Variants in MEA1 observed in about 807,000 individuals in gnomAD.
MEA1 encodes the protein male-enhanced antigen 1.
Under a neutral mutation model 21.4 loss-of-function variants are expected in MEA1, and 22 were observed. The ratio of observed to expected loss-of-function variants is 1.03; its 90% CI spans 0.73 to 1.47. The LOEUF (loss-of-function observed/expected upper bound fraction) is 1.47, where lower values mean the gene tolerates loss of function less well. Ranked by LOEUF, MEA1 falls within the 40% of genes most tolerant of loss-of-function variation. The pLI, the probability that MEA1 is intolerant of heterozygous loss-of-function variation, is 0.00. For synonymous variants in MEA1, 91 were observed against 85.5 expected, an observed-to-expected ratio of 1.06 and a Z score of -0.35; for missense variants, 233 against 230.5, an observed-to-expected ratio of 1.01 and a Z score of -0.07.
At chr6:43,014,820 C>T (rs1245319661), upstream of MEA1, among the ~76,000 whole-genome samples, 1 of 152,036 alleles carries the variant, frequency 6.6e-6, no homozygotes, top group Non-Finnish European at 1.5e-5. Flanking sequence ...CTGCAAAGCT[C>T]TCACGAGATC....
chr6:43,013,703 G>T, intron 1 of MEA1, 83 bp downstream of exon 1: 1 of 1,394,640 alleles, frequency 7.2e-7, no homozygotes, highest in South Asian at 1.2e-5. Flanking sequence ...CCCGCGACTT[G>T]GGAACTCTGG....
chr6:43,012,525 T>C lies in MEA1; in HGVS notation c.503A>G (p.Glu168Gly), dbSNP rs780378952. Residue 168 changes from glutamate (E) to glycine (G), a missense_variant, in exon 4 of 4, where the codon GAA (glutamate) becomes GGA (glycine). By Grantham distance (98) the Glu-to-Gly change is moderately conservative (BLOSUM62 -2). Coordinates refer to ENST00000244711, the MANE Select transcript of MEA1 (RefSeq NM_014623.4). ...WAREISDAQWEDVVQKALQAR... is the reference protein window; with the variant it reads ...WAREISDAQWGDVVQKALQAR... ...TTGGAGGGCTTTCTGTACCACATCT[T>C]CCCACTGGGCATCCGATATCTCCCG... 10 of 1,611,818 alleles carry C rather than the reference T, an allele frequency of 6.2e-6. No homozygotes were observed. The South Asian group carries it at 9.9e-5, about 16-fold the overall frequency.
At chr6:43,013,998 C>A, upstream of MEA1, 1 of 1,421,808 alleles carries the variant, frequency 7.0e-7, no homozygotes, top group Non-Finnish European at 9.2e-7. Context: ...CTGGCGAGGA[C>A]GAGGAGTCCG....
Position 43,013,245 on chromosome 6 carries a change from T to C in MEA1, c.173A>G (p.Gln58Arg), listed in dbSNP as rs1762438168. The change falls in exon 2 of 4, where the codon CAG (glutamine) becomes CGG (arginine). Residue 58 changes from glutamine to arginine, a missense_variant. Coordinates refer to ENST00000244711, the MANE Select transcript of MEA1 (RefSeq NM_014623.4). ...DWSSEEPEEE[Q>R]EETGSGPAGY... Reference sequence around the variant, plus strand: ...AGCTGGGCCCGACCCCGTTTCCTCCTGCTCTTCCTCAGGCTCCTCACTGCT... The same window carrying C: ...AGCTGGGCCCGACCCCGTTTCCTCCCGCTCTTCCTCAGGCTCCTCACTGCT... 5.6e-6 allele frequency: 9 copies of C among 1,614,178 alleles called. No homozygotes were observed. Among genetic ancestry groups the C allele is most frequent in the Non-Finnish European group, 7.6e-6 (9 of 1,180,024 alleles).
At position 43,011,799 on chromosome 6, in the gene MEA1, G is replaced by T. The variant is rs1762364057; in HGVS notation, c.*671C>A. On this transcript the variant is annotated 3_prime_UTR_variant, in exon 4 of 4. Transcript: ENST00000244711. ...AGCACAAATAGGCCCCCCAGTCCCAGCCGTGTGCTGGCAGATAGGGTTGTA... is the reference window on the plus strand; with the variant it reads ...AGCACAAATAGGCCCCCCAGTCCCATCCGTGTGCTGGCAGATAGGGTTGTA... 1 of 165,180 alleles carries T rather than the reference G, an allele frequency of 6.1e-6. No individual in the cohort carries two copies. Among genetic ancestry groups the T allele is most frequent in the African/African-American group, 2.4e-5 (1 of 41,590 alleles). The allele number at this position is 165,180 out of a possible 1,614,324, so 10.2% of individuals were successfully genotyped here.
At chr6:43,013,664 A>G in intron 1 of MEA1, 122 bp downstream of exon 1, 1 of 1,107,938 alleles carries the variant, frequency 9.0e-7, no homozygotes, top group Non-Finnish European at 1.3e-6. Context: ...CACCCCTTCC[A>G]GAACCCCGGC....
chr6:43,014,202 T>C, upstream of MEA1: 3 of 1,337,448 alleles, frequency 2.2e-6, no homozygotes, highest in Non-Finnish European at 3.0e-6. Flanking sequence ...TAGCTACGAC[T>C]GCACGTGCGC....
upstream of MEA1, among the ~76,000 whole-genome samples, chr6:43,016,056 C>T (rs1481493814): frequency 1.3e-5 from 2 of 151,840 alleles, no homozygotes; most frequent in Non-Finnish European, 2.9e-5. Flanking sequence ...CTGCCTCAGC[C>T]TCCTGAGTAG....
Position 43,012,335 on chromosome 6 carries a change from T to G in MEA1, c.*135A>C. The G allele has an allele frequency of 6.8e-7, 1 of 1,473,398 alleles. No individual in the cohort carries two copies. 91.3% of individuals were successfully genotyped at this position (1,473,398 alleles called of 1,614,324 possible). A position where few individuals can be genotyped will look rare whatever the true frequency, so the allele number is the denominator to read the frequency against. On this transcript the variant is annotated 3_prime_UTR_variant, in exon 4 of 4. Transcript: ENST00000244711. ...TGTACAGAACTGAATAAAGTGGGTC[T>G]CTGAGAAGTCTGATGTGCCTTGATG...
At chr6:43,012,727 T>A in intron 3 of MEA1, 106 bp from the exon 4 acceptor site, 1 of 1,382,416 alleles carries the variant, frequency 7.2e-7, no homozygotes, top group South Asian at 1.4e-5. Flanking sequence ...GGTCACCAAA[T>A]CCACCTTGTT....
chr6:43,011,509 T>C lies in MEA1; in HGVS notation c.*961A>G. 1 of 605,964 alleles carries C rather than the reference T, an allele frequency of 1.7e-6. No homozygotes were observed. Among genetic ancestry groups the C allele is most frequent in the Non-Finnish European group, 2.9e-6 (1 of 350,074 alleles). The allele number at this position is 605,964 out of a possible 1,614,324, so 37.5% of individuals were successfully genotyped here. ...CCTGTGGCTAGTACAGGCTGAGCAC[T>C]AAGATGCTTAGTGCTCAGACAACCT... On this transcript the variant is annotated 3_prime_UTR_variant, in exon 4 of 4. Coordinates refer to ENST00000244711, the MANE Select transcript of MEA1 (RefSeq NM_014623.4).
intron 3 of MEA1, 112 bp downstream of exon 3, chr6:43,012,814 A>G: frequency 1.6e-6 from 2 of 1,286,734 alleles, no homozygotes; most frequent in East Asian, 4.6e-5. Flanking sequence ...ACAAAATCTT[A>G]GTTTACAAAC....
chr6:43,014,702 G>A (rs773488438), upstream of MEA1: 5 of 444,022 alleles, frequency 1.1e-5, no homozygotes, highest in East Asian at 2.8e-4. Flanking sequence ...TATGCAGAGA[G>A]GGGTATCGTG....
At chr6:43,013,724 TC>T (rs1164728118) in intron 1 of MEA1, 61 bp downstream of exon 1, 3 of 1,495,348 alleles carry the variant, frequency 2.0e-6, no homozygotes, top group African/African-American at 2.8e-5. Context: ...GTCATCAGAC[TC>T]CCCTAAACAG....
At position 43,011,238 on chromosome 6, in the gene MEA1, G is replaced by A. The variant is rs768076945; in HGVS notation, c.*1232C>T. On this transcript the variant is annotated 3_prime_UTR_variant, in exon 4 of 4. Transcript: ENST00000244711. ...TGTACACCATCAAGGCACTGGAGGC[G>A]CACAAGCGGGCGGAAGAGTTCCTAA... 19 of 1,613,956 alleles carry A rather than the reference G, an allele frequency of 1.2e-5. No homozygotes were observed. Among genetic ancestry groups the A allele is most frequent in the African/African-American group, 2.7e-5 (2 of 74,884 alleles).
At position 43,011,742 on chromosome 6, in the gene MEA1, CAGAGTAGCTGAA is replaced by C. The variant is rs200223615; in HGVS notation, c.*716_*727del. The C allele has an allele frequency of 0.015, 2,590 of 170,940 alleles. 30 individuals are homozygous for C. Among genetic ancestry groups the C allele is most frequent in the South Asian group, 0.027 (186 of 6,948 alleles). 10.6% of individuals were successfully genotyped at this position (170,940 alleles called of 1,614,324 possible). ...AAGTTATGTCAAGCCCCATTGGTCC[CAGAGTAGCTGAA>C]GGGAAGCCAACCCCCCTGCAGCACA... On this transcript the variant is annotated 3_prime_UTR_variant, in exon 4 of 4. Transcript: ENST00000244711.
chr6:43,013,871 C>G lies in MEA1; in HGVS notation c.-58G>C. 1 of 1,519,028 alleles carries G rather than the reference C, an allele frequency of 6.6e-7. No homozygotes were observed. The allele number at this position is 1,519,028 out of a possible 1,614,324, so 94.1% of individuals were successfully genotyped here. ...CCCCCACCCGCCCCCATCCGAATCC[C>G]GGCGCCGGTGTTCCCGCGCGCCTCA... On this transcript the variant is annotated 5_prime_UTR_variant, in exon 1 of 4. Coordinates refer to ENST00000244711, the MANE Select transcript of MEA1 (RefSeq NM_014623.4).
upstream of MEA1, among the ~76,000 whole-genome samples, chr6:43,016,172 A>T (rs935408321): frequency 2.0e-5 from 3 of 151,920 alleles, no homozygotes; most frequent in East Asian, 3.9e-4. Flanking sequence ...TGATCTCGTG[A>T]TCCACCTGCC....
Position 43,012,180 on chromosome 6 carries a change from G to T in MEA1, c.*290C>A. 8.9e-7 allele frequency: 1 copy of T among 1,120,284 alleles called. No homozygotes were observed. Among genetic ancestry groups the T allele is most frequent in the Non-Finnish European group, 1.1e-6 (1 of 916,742 alleles). 69.4% of individuals were successfully genotyped at this position (1,120,284 alleles called of 1,614,324 possible). A position where few individuals can be genotyped will look rare whatever the true frequency, so the allele number is the denominator to read the frequency against. On this transcript the variant is annotated 3_prime_UTR_variant, in exon 4 of 4. Coordinates refer to ENST00000244711, the MANE Select transcript of MEA1 (RefSeq NM_014623.4). ...TTATAGGTACCTTGGAGGGGCCAGG[G>T]GCTGAGGAAGGCCGGACCCAGGTTC...
Sources: allele counts gnomAD v4.1 joint callset (sites outside exome capture counted in the v4.1 genomes callset), GRCh38; gene constraint gnomAD v4.1.1; transcripts MANE v1.5; gene names NCBI Gene and HGNC (gene_info 2026-07-23, HGNC 2026-07-21).